Variants in CDH20 observed in about 807,000 individuals in gnomAD.
CDH20 encodes cadherin-20.
CDH20 carries 29 observed loss-of-function variants against 74.2 expected under a neutral mutation model. The observed-to-expected ratio is 0.39, with a 90% confidence interval of 0.29 to 0.53. CDH20 has a LOEUF of 0.53. CDH20 is among the 20% of genes least tolerant of loss of function. CDH20 has a pLI of 0.69. For missense variants in CDH20, 988 were observed against 1,048.3 expected (o/e 0.94, Z 0.79); for synonymous variants, 469 against 405.4 (o/e 1.16, Z -1.88).
intron 1 of CDH20, among the ~76,000 whole-genome samples, chr18:61,409,685 CGT>C (rs1486917527): frequency 1.3e-5 from 2 of 152,138 alleles, no homozygotes; most frequent in African/African-American, 4.8e-5. Context: ...TAAAATTGCG[CGT>C]GAGGATGCCC....
chr18:61,362,530 G>A (rs1910729862), intron 1 of CDH20, among the ~76,000 whole-genome samples: 1 of 152,008 alleles, frequency 6.6e-6, no homozygotes, highest in African/African-American at 2.4e-5. Flanking sequence ...ATTTTAGTGG[G>A]GACAGATAAT....
At chr18:61,385,262 T>C (rs1204394254) in intron 1 of CDH20, among the ~76,000 whole-genome samples, 3 of 152,142 alleles carry the variant, frequency 2.0e-5, no homozygotes, top group Non-Finnish European at 2.9e-5. Flanking sequence ...CATGATTATG[T>C]GAGACTGTCA....
At chr18:61,375,153 G>A (rs972382083) in intron 1 of CDH20, among the ~76,000 whole-genome samples, 10 of 152,138 alleles carry the variant, frequency 6.6e-5, no homozygotes, top group African/African-American at 2.2e-4. Flanking sequence ...CTGGGGTTCC[G>A]TCCAGGCCAG....
At chr18:61,453,758 C>T (rs1909477436) in intron 1 of CDH20, among the ~76,000 whole-genome samples, 1 of 152,170 alleles carries the variant, frequency 6.6e-6, no homozygotes, top group Non-Finnish European at 1.5e-5. Context: ...ATTAGTAAAG[C>T]TGATATAAAC....
chr18:61,498,335 G>A (rs1911243440), intron 2 of CDH20, among the ~76,000 whole-genome samples: 1 of 151,826 alleles, frequency 6.6e-6, no homozygotes, highest in African/African-American at 2.4e-5. Flanking sequence ...GGGAGGTGGA[G>A]GTTGCAGTGA....
At chr18:61,538,608 G>GTTTTTTTTTTTTTTT (rs1449356386) in intron 8 of CDH20, among the ~76,000 whole-genome samples, 7 of 36,314 alleles carry the variant, frequency 1.9e-4, no homozygotes, top group East Asian at 1.3e-3. Flanking sequence ...TTTTGTTTTT[G>GTTTTTTTTTTTTTTT]TTTTTGTTTT....
intron 1 of CDH20, among the ~76,000 whole-genome samples, chr18:61,362,716 TTAC>T (rs1173208974): frequency 6.6e-6 from 1 of 152,112 alleles, no homozygotes; most frequent in Non-Finnish European, 1.5e-5. Context: ...CTACATAGAC[TTAC>T]TACTATGACT....
At chr18:61,448,349 C>A (rs1455569076) in intron 1 of CDH20, among the ~76,000 whole-genome samples, 1 of 152,096 alleles carries the variant, frequency 6.6e-6, no homozygotes, top group Non-Finnish European at 1.5e-5. Context: ...TTAGAGAGGT[C>A]AAGTAATTTA....
intron 9 of CDH20, among the ~76,000 whole-genome samples, chr18:61,543,197 A>G (rs370474850): frequency 4.9e-4 from 75 of 152,300 alleles, no homozygotes; most frequent in African/African-American, 1.7e-3. Flanking sequence ...AATCTTCAGC[A>G]TATTGTGAGA....
chr18:61,362,317 G>C (rs1237204458), intron 1 of CDH20, among the ~76,000 whole-genome samples: 1 of 152,042 alleles, frequency 6.6e-6, no homozygotes, highest in Admixed American at 6.6e-5. Flanking sequence ...TGGAAACATA[G>C]AGACCTAAAA....
chr18:61,494,074 G>A (rs1229183360), intron 2 of CDH20, among the ~76,000 whole-genome samples: 2 of 152,192 alleles, frequency 1.3e-5, no homozygotes, highest in African/African-American at 4.8e-5. Context: ...ATGCTGTGAG[G>A]TGAGTATAAC....
chr18:61,402,644 C>T (rs905116490), intron 1 of CDH20, among the ~76,000 whole-genome samples: 3 of 152,084 alleles, frequency 2.0e-5, no homozygotes, highest in African/African-American at 7.2e-5. Context: ...ATTCCAGGTA[C>T]TATAACCTGA....
intron 1 of CDH20, among the ~76,000 whole-genome samples, chr18:61,358,093 T>C (rs1910555329): frequency 1.3e-5 from 2 of 151,958 alleles, no homozygotes; most frequent in South Asian, 4.2e-4. Flanking sequence ...TCACTTTCTT[T>C]TATTTTGCTT....
chr18:61,421,795 G>A (rs1912889693), intron 1 of CDH20, among the ~76,000 whole-genome samples: 1 of 152,058 alleles, frequency 6.6e-6, no homozygotes, highest in African/African-American at 2.4e-5. Context: ...TGGATAGATA[G>A]ATAGATAATC....
rs1336944030 is a variant in CDH20 at position 61,499,228 on chromosome 18, A to G, written c.289A>G (p.Ile97Val). The change falls in exon 3 of 12, where the codon ATC becomes GTC. Residue 97 changes from isoleucine to valine, a missense_variant. By Grantham distance (29) the Ile-to-Val change is conservative. Coordinates refer to ENST00000262717, the MANE Select transcript of CDH20 (RefSeq NM_031891.4). ...MDRGDGSIKY[I>V]LSGEGAGIVF... The stretch of plus-strand genomic sequence containing the variant: ...CAGGGGAGACGGATCCATCAAATAC[A>G]TCCTCTCGGGAGAAGGTGCTGGCAT... 4 of 1,608,180 alleles carry G rather than the reference A, an allele frequency of 2.5e-6. No homozygotes were observed. The African/African-American group carries it at 5.4e-5, about 22-fold the overall frequency.
intron 1 of CDH20, among the ~76,000 whole-genome samples, chr18:61,336,753 A>G (rs1345248475): frequency 6.6e-6 from 1 of 151,832 alleles, no homozygotes; most frequent in African/African-American, 2.4e-5. Flanking sequence ...TGGAGAAAGG[A>G]AAAACGTAAA....
At chr18:61,393,847 A>G (rs1488412048) in intron 1 of CDH20, among the ~76,000 whole-genome samples, 3 of 152,236 alleles carry the variant, frequency 2.0e-5, no homozygotes, top group Non-Finnish European at 4.4e-5. Context: ...TTATATACAT[A>G]GTGTAACTGA....
intron 6 of CDH20, among the ~76,000 whole-genome samples, chr18:61,524,795 C>T (rs549420759): frequency 9.6e-4 from 146 of 152,252 alleles, no homozygotes; most frequent in African/African-American, 3.3e-3. Context: ...GTGGCACACA[C>T]GTGTAGTCCC....
At chr18:61,350,843 T>G (rs1430669686) in intron 1 of CDH20, among the ~76,000 whole-genome samples, 2 of 152,242 alleles carry the variant, frequency 1.3e-5, no homozygotes, top group East Asian at 3.9e-4. Flanking sequence ...AGACAGAAAG[T>G]GCAGAGGATC....
Sources: gnomAD v4.1 joint callset for allele counts (sites outside exome capture counted in the v4.1 genomes callset) on GRCh38, gnomAD v4.1.1 for gene constraint, MANE v1.5 for transcripts, NCBI Gene and HGNC (gene_info 2026-07-23, HGNC 2026-07-21) for gene names.